Variants in KCNIP4 observed in about 807,000 individuals in gnomAD.
The protein encoded by KCNIP4 is Kv channel-interacting protein 4.
A neutral mutation model predicts 34.0 loss-of-function variants in KCNIP4; 12 were observed. The ratio of observed to expected loss-of-function variants is 0.35; its 90% CI spans 0.23 to 0.57. KCNIP4 has a LOEUF of 0.57. Among genes scored for constraint, KCNIP4 ranks in the 20% least tolerant of loss-of-function variants. The probability of loss-of-function intolerance (pLI) is 0.83; values close to 1 mark genes in which losing one functional copy is unlikely to be tolerated. For synonymous variants in KCNIP4, 124 were observed against 102.2 expected (o/e 1.21, Z -1.29); for missense variants, 238 against 311.7 (o/e 0.76, Z 1.78).
rs576082678 is a variant in KCNIP4 at position 21,223,832 on chromosome 4, A to C, written c.62-341123T>G. The stretch of plus-strand genomic sequence containing the variant: ...TCTTGGTATCACAGTTTTTAATTTG[A>C]CTGTTTAGTTCATCTGCTGGGAGGA... On this transcript the variant is annotated intron_variant, in intron 1 of 8. Coordinates refer to ENST00000382152, the MANE Select transcript of KCNIP4 (RefSeq NM_025221.6). 8.6e-5 allele frequency among the ~76,000 whole-genome samples: 13 copies of C among 151,892 alleles called. No individual in the cohort carries two copies. In the South Asian group the frequency reaches 2.1e-3, roughly 24 times the overall value.
intron 3 of KCNIP4, among the ~76,000 whole-genome samples, chr4:20,801,906 C>T (rs949288104): frequency 6.6e-6 from 1 of 151,514 alleles, no homozygotes; most frequent in African/African-American, 2.4e-5. Context: ...GATAAAGATA[C>T]AATCCAATTA....
intron 1 of KCNIP4, among the ~76,000 whole-genome samples, chr4:21,334,828 G>A (rs761733787): frequency 3.3e-5 from 5 of 152,030 alleles, no homozygotes; most frequent in Admixed American, 1.3e-4. Flanking sequence ...CTCTGTGGTA[G>A]CATGTCTCAG....
At chr4:21,412,230 T>C (rs945090440) in intron 1 of KCNIP4, among the ~76,000 whole-genome samples, 3 of 152,190 alleles carry the variant, frequency 2.0e-5, no homozygotes, top group African/African-American at 7.2e-5. Context: ...TTCTCCCCTT[T>C]GTTCCTGCTC....
intron 1 of KCNIP4, among the ~76,000 whole-genome samples, chr4:21,403,629 C>A (rs1387504295): frequency 6.6e-6 from 1 of 152,168 alleles, no homozygotes; most frequent in African/African-American, 2.4e-5. Context: ...TCACCTAATA[C>A]CTTAATCAAT....
intron 1 of KCNIP4, among the ~76,000 whole-genome samples, chr4:21,275,144 A>G (rs1249801983): frequency 1.3e-5 from 2 of 152,320 alleles, no homozygotes; most frequent in Admixed American, 1.3e-4. Context: ...AGTTATCTAT[A>G]GATTTCTAAT....
At chr4:21,502,012 C>T (rs2109892354) in intron 1 of KCNIP4, among the ~76,000 whole-genome samples, 1 of 151,240 alleles carries the variant, frequency 6.6e-6, no homozygotes, top group East Asian at 2.0e-4. Context: ...CACACACACA[C>T]ACAAGCACAC....
chr4:21,221,037 C>T (rs904897466), intron 1 of KCNIP4, among the ~76,000 whole-genome samples: 5 of 152,102 alleles, frequency 3.3e-5, no homozygotes, highest in Admixed American at 3.3e-4. Flanking sequence ...TTTAAATTAG[C>T]TACAGATTGG....
chr4:21,440,574 C>T (rs1727376155), intron 1 of KCNIP4, among the ~76,000 whole-genome samples: 1 of 152,174 alleles, frequency 6.6e-6, no homozygotes, highest in Non-Finnish European at 1.5e-5. Flanking sequence ...TCAGTGTTGA[C>T]ACTGCTAGGA....
intron 1 of KCNIP4, among the ~76,000 whole-genome samples, chr4:21,130,680 G>T (rs116260009): frequency 0.01 from 1,532 of 152,218 alleles, 28 homozygotes; most frequent in African/African-American, 0.035. Context: ...AATAACTCTG[G>T]GTACTTGTCC....
intron 1 of KCNIP4, among the ~76,000 whole-genome samples, chr4:21,333,212 T>C (rs2109328869): frequency 6.6e-6 from 1 of 152,204 alleles, no homozygotes; most frequent in East Asian, 1.9e-4. Context: ...TTAATAATAC[T>C]TGTCTTTATT....
intron 5 of KCNIP4, among the ~76,000 whole-genome samples, chr4:20,745,083 G>C (rs1179716359): frequency 6.6e-6 from 1 of 152,118 alleles, no homozygotes; most frequent in East Asian, 1.9e-4. Context: ...TTCTTTCCTT[G>C]CTCAACAGGA....
intron 1 of KCNIP4, among the ~76,000 whole-genome samples, chr4:21,031,014 G>A (rs185554773): frequency 6.6e-6 from 1 of 152,286 alleles, no homozygotes; most frequent in East Asian, 1.9e-4. Context: ...AGAGAGCATG[G>A]CATAGAAGCA....
At chr4:20,963,893 G>C (rs1051914562) in intron 1 of KCNIP4, among the ~76,000 whole-genome samples, 1 of 151,654 alleles carries the variant, frequency 6.6e-6, no homozygotes, top group Non-Finnish European at 1.5e-5. Flanking sequence ...ATTTCATCAA[G>C]GTAAAATATA....
At chr4:21,170,445 G>A (rs1158454138) in intron 1 of KCNIP4, among the ~76,000 whole-genome samples, 2 of 152,018 alleles carry the variant, frequency 1.3e-5, no homozygotes, top group African/African-American at 4.8e-5. Context: ...GCAATATTTG[G>A]GATTGTCAGC....
At chr4:21,870,453 C>T (rs1725721792) in intron 1 of KCNIP4, among the ~76,000 whole-genome samples, 1 of 152,048 alleles carries the variant, frequency 6.6e-6, no homozygotes, top group Admixed American at 6.6e-5. Context: ...AAAAACACAC[C>T]CCTAGGTGGA....
At chr4:21,616,754 C>T in intron 1 of KCNIP4, among the ~76,000 whole-genome samples, 1 of 152,178 alleles carries the variant, frequency 6.6e-6, no homozygotes, top group East Asian at 1.9e-4. Flanking sequence ...TGCGTTTCTT[C>T]TTCTCTTCTT....
At chr4:21,437,305 A>T (rs1359699311) in intron 1 of KCNIP4, among the ~76,000 whole-genome samples, 3 of 152,224 alleles carry the variant, frequency 2.0e-5, no homozygotes, top group Admixed American at 1.3e-4. Context: ...TTTCAACAAC[A>T]ATAACAACAA....
chr4:21,388,762 T>C (rs1722267794), intron 1 of KCNIP4, among the ~76,000 whole-genome samples: 1 of 152,144 alleles, frequency 6.6e-6, no homozygotes, highest in Non-Finnish European at 1.5e-5. Flanking sequence ...AATTAAACAA[T>C]ATGTAGTCTT....
intron 1 of KCNIP4, chr4:21,613,693 G>A (rs565543451): frequency 1.3e-5 from 2 of 152,252 alleles, no homozygotes; most frequent in Admixed American, 6.5e-5. Flanking sequence ...TGTTGTCCAG[G>A]TAGTACCATT....
Sources: allele counts gnomAD v4.1 joint callset (sites outside exome capture counted in the v4.1 genomes callset), GRCh38; gene constraint gnomAD v4.1.1; transcripts MANE v1.5; gene names NCBI Gene and HGNC (gene_info 2026-07-23, HGNC 2026-07-21).